GPRC5A: variants seen among roughly 807,000 people sequenced by gnomAD.
GPRC5A encodes the protein retinoic acid-induced protein 3.
In GPRC5A, 19 loss-of-function variants were observed where a neutral mutation model predicts 22.5. That is an observed-to-expected ratio of 0.85 (90% CI 0.59 to 1.24). The LOEUF (loss-of-function observed/expected upper bound fraction) is 1.24. Among genes scored for constraint, GPRC5A ranks in the 50% most tolerant of loss-of-function variants. GPRC5A has a pLI of 0.00. For missense variants in GPRC5A, 471 were observed against 451.1 expected, an observed-to-expected ratio of 1.04 and a Z score of -0.40; for synonymous variants, 192 against 184.5, an observed-to-expected ratio of 1.04 and a Z score of -0.33.
In GPRC5A at chr12:12,917,332, C is replaced by A. The variant is rs1864076576; in HGVS notation, c.*4793C>A. On this transcript the variant is annotated 3_prime_UTR_variant, in exon 4 of 4. Coordinates refer to ENST00000014914, the MANE Select transcript of GPRC5A (RefSeq NM_003979.4). ...TCTTGACCCTTCAAAGTGGAACAGTCCAGTGCCAAAAATTTTAGAGTTTGA... is the reference window on the plus strand; with the variant it reads ...TCTTGACCCTTCAAAGTGGAACAGTACAGTGCCAAAAATTTTAGAGTTTGA... 1 of 151,758 alleles carries A rather than the reference C, an allele frequency of 6.6e-6. No homozygotes were observed. Among genetic ancestry groups the A allele is most frequent in the African/African-American group, 2.4e-5 (1 of 41,260 alleles). The allele number at this position is 151,758 out of a possible 1,614,324, so 9.4% of individuals were successfully genotyped here.
intron 2 of GPRC5A, 175 bp downstream of exon 2, chr12:12,909,346 T>A (rs1397818299): frequency 3.5e-6 from 2 of 577,700 alleles, no homozygotes; most frequent in Non-Finnish European, 6.0e-6. Context: ...TAGAGACAAG[T>A]AGAACACGAA....
intron 1 of GPRC5A, among the ~76,000 whole-genome samples, chr12:12,899,409 T>C (rs1211954309): frequency 1.3e-5 from 2 of 152,064 alleles, no homozygotes; most frequent in African/African-American, 4.8e-5. Flanking sequence ...TGGAGAGAGG[T>C]TGGGGTCAGG....
intron 1 of GPRC5A, among the ~76,000 whole-genome samples, chr12:12,896,696 A>G (rs1863825495): frequency 6.6e-6 from 1 of 152,166 alleles, no homozygotes; most frequent in South Asian, 2.1e-4. Flanking sequence ...TAAGGGGGAT[A>G]CCAACAAATA....
chr12:12,912,012 G>A, intron 2 of GPRC5A, 72 bp from the exon 3 acceptor site: 1 of 899,854 alleles, frequency 1.1e-6, no homozygotes, highest in Non-Finnish European at 1.9e-6. Flanking sequence ...GTCACACTGT[G>A]ATAAGTGATA....
chr12:12,895,063 C>A (rs1319621739), intron 1 of GPRC5A, among the ~76,000 whole-genome samples: 3 of 152,136 alleles, frequency 2.0e-5, no homozygotes, highest in Non-Finnish European at 4.4e-5. Context: ...CAGGCGTGAG[C>A]CACCGTGCCC....
chr12:12,900,923 A>AAACAAAAAAC (rs1555104732), intron 1 of GPRC5A, among the ~76,000 whole-genome samples: 3 of 109,990 alleles, frequency 2.7e-5, no homozygotes, highest in South Asian at 3.4e-4. Context: ...ACAAAAAAAA[A>AAACAAAAAAC]ACAACCCAGA....
At chr12:12,909,418 C>G (rs943027560) in intron 2 of GPRC5A, 21 of 413,460 alleles carry the variant, frequency 5.1e-5, no homozygotes, top group Admixed American at 2.0e-4. Context: ...GAGAGCCCTC[C>G]TCACTTCCCC....
At position 12,915,079 on chromosome 12, in the gene GPRC5A, G is replaced by T. The variant is rs1317391962; in HGVS notation, c.*2540G>T. ...TCTATGGCCCAGGCTGGAGTGCAGT[G>T]GCACAATCATAGCTCACTGCAGCCT... On this transcript the variant is annotated 3_prime_UTR_variant, in exon 4 of 4. Transcript: ENST00000014914. 1.4e-5 allele frequency: 2 copies of T among 142,258 alleles called. No homozygotes were observed. Among genetic ancestry groups the T allele is most frequent in the Non-Finnish European group, 3.0e-5 (2 of 66,854 alleles). The allele number at this position is 142,258 out of a possible 1,614,324, so 8.8% of individuals were successfully genotyped here. A position where few individuals can be genotyped will look rare whatever the true frequency, so the allele number is the denominator to read the frequency against.
chr12:12,892,481 C>T (rs1863772142), intron 1 of GPRC5A, among the ~76,000 whole-genome samples: 1 of 152,196 alleles, frequency 6.6e-6, no homozygotes, highest in Non-Finnish European at 1.5e-5. Flanking sequence ...GATTCTCCTG[C>T]CTCAGACTCC....
At chr12:12,900,910 A>AG (rs1232438134) in intron 1 of GPRC5A, among the ~76,000 whole-genome samples, 1 of 121,254 alleles carries the variant, frequency 8.2e-6, no homozygotes, top group Non-Finnish European at 1.6e-5. Context: ...AAAAAAAAAA[A>AG]AAACAAAAAA....
intron 2 of GPRC5A, among the ~76,000 whole-genome samples, chr12:12,910,214 A>T (rs1378858739): frequency 3.3e-5 from 5 of 152,120 alleles, no homozygotes; most frequent in African/African-American, 1.2e-4. Flanking sequence ...TTTGCTCTTA[A>T]GCCTGAGGTG....
intron 1 of GPRC5A, among the ~76,000 whole-genome samples, chr12:12,902,325 TA>T (rs1244187609): frequency 1.3e-5 from 2 of 148,692 alleles, no homozygotes; most frequent in African/African-American, 5.0e-5. Context: ...TCATCCAGAT[TA>T]AAAAAAATAG....
rs764328061 is a variant in GPRC5A at position 12,908,482 on chromosome 12, T to G, written c.233T>G (p.Ile78Ser). 1 of 1,614,132 alleles carries G rather than the reference T, an allele frequency of 6.2e-7. No homozygotes were observed. Among genetic ancestry groups the G allele is most frequent in the Non-Finnish European group, 8.5e-7 (1 of 1,180,020 alleles). ...CTCTTCCTCCTGGGTGTGTTGGGCATCTTTGGCCTCACCTTCGCCTTCATC... is the reference window on the plus strand; with the variant it reads ...CTCTTCCTCCTGGGTGTGTTGGGCAGCTTTGGCCTCACCTTCGCCTTCATC... ...QFLFLLGVLG[I>S]FGLTFAFIIG... Residue 78 changes from isoleucine to serine, a missense_variant, in exon 2 of 4, where the codon ATC becomes AGC. Transcript: ENST00000014914.
rs1453851003 is a variant in GPRC5A, at chr12:12,908,664, G to T, written c.415G>T (p.Val139Leu). ...CCTGTTGGTGATTCTGGGTCTGGCCGTGGGCTTCAGCCTAGTCCAGGATGT... is the reference window on the plus strand; with the variant it reads ...CCTGTTGGTGATTCTGGGTCTGGCCTTGGGCTTCAGCCTAGTCCAGGATGT... The part of the protein sequence containing the change: ...LSLLVILGLA[V>L]GFSLVQDVIA... The change falls in exon 2 of 4, where the codon GTG becomes TTG. Residue 139 changes from valine to leucine, a missense_variant. By Grantham distance (32) the Val-to-Leu change is conservative (BLOSUM62 1). Transcript: ENST00000014914. The T allele has an allele frequency of 1.2e-6, 2 of 1,613,726 alleles. No homozygotes were observed. The highest frequency in any genetic ancestry group is 1.7e-5 in the Admixed American group (1 of 59,980).
At chr12:12,909,412 G>C (rs1406795756) in intron 2 of GPRC5A, 2 of 428,976 alleles carry the variant, frequency 4.7e-6, no homozygotes, top group East Asian at 7.1e-5. Flanking sequence ...GACTGGGAGA[G>C]CCCTCCTCAC....
At position 12,908,281 on chromosome 12, in the gene GPRC5A, A is replaced by G. The variant is rs1242143465; in HGVS notation, c.32A>G (p.Asn11Ser). MATTVPDGCRNGLKSKYYRLC... is the reference protein window; with the variant it reads MATTVPDGCRSGLKSKYYRLC... Reference sequence around the variant, plus strand: ...ACAACAGTCCCTGATGGTTGCCGCAATGGCCTGAAATCCAAGTACTACAGA... The same window carrying G: ...ACAACAGTCCCTGATGGTTGCCGCAGTGGCCTGAAATCCAAGTACTACAGA... Residue 11 changes from asparagine to serine, a missense_variant, in exon 2 of 4, where the codon AAT (asparagine) becomes AGT (serine). Asn to Ser is a conservative substitution (Grantham distance 46). Coordinates refer to ENST00000014914, the MANE Select transcript of GPRC5A (RefSeq NM_003979.4). 6 of 1,602,796 alleles carry G rather than the reference A, an allele frequency of 3.7e-6. No homozygotes were observed. In the East Asian group the frequency reaches 6.7e-5, roughly 18 times the overall value.
rs1864066305 is a variant in GPRC5A at position 12,916,566 on chromosome 12, C to T, written c.*4027C>T. 2 of 152,250 alleles carry T rather than the reference C, an allele frequency of 1.3e-5. No homozygotes were observed. Among genetic ancestry groups the T allele is most frequent in the African/African-American group, 4.8e-5 (2 of 41,474 alleles). 9.4% of individuals were successfully genotyped at this position (152,250 alleles called of 1,614,324 possible). ...ATTTTAAGAGGCTTGTATTTATGAG[C>T]TCTTTGCTTCCTCCCTCCCACTAAC... On this transcript the variant is annotated 3_prime_UTR_variant, in exon 4 of 4. Transcript: ENST00000014914.
chr12:12,911,744 G>A (rs773139998), intron 2 of GPRC5A, among the ~76,000 whole-genome samples: 12 of 151,902 alleles, frequency 7.9e-5, no homozygotes, highest in Non-Finnish European at 1.5e-4. Context: ...CACCTCGGCC[G>A]CCCAAAGTTC....
At chr12:12,891,823 T>C (rs1863761392) in intron 1 of GPRC5A, among the ~76,000 whole-genome samples, 159 bp downstream of exon 1, 1 of 148,060 alleles carries the variant, frequency 6.8e-6, no homozygotes, top group African/African-American at 2.5e-5. Context: ...ACAGTTCCTC[T>C]AGTTTAACAA....
Sources: allele counts gnomAD v4.1 joint callset (sites outside exome capture counted in the v4.1 genomes callset), GRCh38; gene constraint gnomAD v4.1.1; transcripts MANE v1.5; gene names NCBI Gene and HGNC (gene_info 2026-07-23, HGNC 2026-07-21).